Variants in RABGAP1L observed in about 807,000 individuals in gnomAD.
RABGAP1L encodes RAB GTPase activating protein 1 like, also known as rab GTPase-activating protein 1-like.
A neutral mutation model predicts 137.7 loss-of-function variants in RABGAP1L; 63 were observed. The observed-to-expected ratio is 0.46, with a 90% CI of 0.37 to 0.56. RABGAP1L has a LOEUF of 0.56. RABGAP1L is among the 20% of genes least tolerant of loss of function. The pLI is 0.00. For synonymous variants in RABGAP1L, 431 were observed against 433.7 expected (o/e 0.99, Z 0.08); for missense variants, 1,095 against 1,244.0 (o/e 0.88, Z 1.80).
chr1:174,467,307 A>G (rs10912790), intron 13 of RABGAP1L, among the ~76,000 whole-genome samples: 8,028 of 152,082 alleles, frequency 0.053, 686 homozygotes, highest in African/African-American at 0.18. Flanking sequence ...GTAGTCATTT[A>G]TCATCTTTTC....
intron 13 of RABGAP1L, among the ~76,000 whole-genome samples, chr1:174,511,319 T>G (rs972653063): frequency 6.6e-6 from 1 of 152,206 alleles, no homozygotes; most frequent in Non-Finnish European, 1.5e-5. Context: ...CAGTGAAACA[T>G]AGGTGCTGAT....
At chr1:174,231,395 CTTT>C in intron 4 of RABGAP1L, 40 bp downstream of exon 4, 1 of 1,560,350 alleles carries the variant, frequency 6.4e-7, no homozygotes. Flanking sequence ...CATATTAAGT[CTTT>C]TGGGTGGTGG....
chr1:174,331,931 G>GT (rs1369701932), intron 11 of RABGAP1L, among the ~76,000 whole-genome samples: 1 of 150,946 alleles, frequency 6.6e-6, no homozygotes, highest in East Asian at 2.0e-4. Flanking sequence ...GCGGTGTTTG[G>GT]TTTTTTGTCC....
rs192575631 is a variant in RABGAP1L at position 174,219,374 on chromosome 1, G to A, written c.138+79G>A. The A allele has an allele frequency of 1.7e-5, 17 of 1,019,772 alleles. No individual in the cohort carries two copies. The Admixed American group carries it at 2.3e-4, about 14-fold the overall frequency. The allele number at this position is 1,019,772 out of a possible 1,614,324, so 63.2% of individuals were successfully genotyped here. On this transcript the variant is annotated intron_variant, in intron 2 of 25. Transcript: ENST00000681986. ...ACTTAGGAGATGTGTAAAATGCAAA[G>A]GTTTTTCTCAAGTGCTGACTTTCAA...
intron 10 of RABGAP1L, among the ~76,000 whole-genome samples, chr1:174,279,132 A>G (rs1356399453): frequency 1.3e-5 from 2 of 152,214 alleles, no homozygotes; most frequent in Non-Finnish European, 1.5e-5. Context: ...TAAAATTTTA[A>G]TGAAAATGTT....
intron 13 of RABGAP1L, among the ~76,000 whole-genome samples, chr1:174,526,305 T>C (rs2147866624): frequency 6.6e-6 from 1 of 152,242 alleles, no homozygotes; most frequent in South Asian, 2.1e-4. Context: ...GTTGTTGTTG[T>C]TGTTATTATG....
intron 24 of RABGAP1L, among the ~76,000 whole-genome samples, chr1:174,988,244 CTGAG>C (rs1254434944): frequency 1.3e-5 from 2 of 152,152 alleles, no homozygotes; most frequent in Non-Finnish European, 2.9e-5. Context: ...TCTTTAAACT[CTGAG>C]TTTCTTTATG....
At chr1:174,384,094 C>A (rs951074516) in intron 12 of RABGAP1L, among the ~76,000 whole-genome samples, 1 of 152,146 alleles carries the variant, frequency 6.6e-6, no homozygotes, top group East Asian at 1.9e-4. Flanking sequence ...TGCTACTGAG[C>A]AATTAAAAGA....
At chr1:174,973,867 T>G (rs1215366358) in intron 21 of RABGAP1L, among the ~76,000 whole-genome samples, 1 of 152,134 alleles carries the variant, frequency 6.6e-6, no homozygotes, top group Non-Finnish European at 1.5e-5. Flanking sequence ...GTCTTCTTTA[T>G]TAGCAGGGCT....
At chr1:174,390,738 A>G (rs1687156907) in intron 12 of RABGAP1L, among the ~76,000 whole-genome samples, 3 of 152,156 alleles carry the variant, frequency 2.0e-5, no homozygotes, top group African/African-American at 7.2e-5. Context: ...GTGGTGGATT[A>G]GTAATAGATG....
chr1:174,683,170 C>T (rs1220806163), intron 14 of RABGAP1L, among the ~76,000 whole-genome samples: 1 of 150,700 alleles, frequency 6.6e-6, no homozygotes, highest in Non-Finnish European at 1.5e-5. Flanking sequence ...ACACTTCAAC[C>T]TTAGAATCTT....
intron 13 of RABGAP1L, among the ~76,000 whole-genome samples, chr1:174,434,457 T>G (rs1382740303): frequency 6.6e-6 from 1 of 152,204 alleles, no homozygotes. Flanking sequence ...AAGTCTTTTG[T>G]GGACAATATG....
At chr1:174,544,708 G>T (rs1478122409) in intron 13 of RABGAP1L, 2 of 152,226 alleles carry the variant, frequency 1.3e-5, no homozygotes, top group African/African-American at 4.8e-5. Flanking sequence ...TAGCTTTTCT[G>T]CTCTGGTTTC....
intron 3 of RABGAP1L, among the ~76,000 whole-genome samples, 199 bp downstream of exon 3, chr1:174,221,363 A>G (rs1487578883): frequency 6.6e-6 from 1 of 152,202 alleles, no homozygotes; most frequent in African/African-American, 2.4e-5. Flanking sequence ...AACAAAGACT[A>G]TGTCTGGGTC....
At chr1:174,447,982 C>A in intron 13 of RABGAP1L, 1 of 638,690 alleles carries the variant, frequency 1.6e-6, no homozygotes, top group Non-Finnish European at 2.7e-6. Flanking sequence ...GGACTCTCAG[C>A]TGTGACAGAA....
intron 14 of RABGAP1L, among the ~76,000 whole-genome samples, chr1:174,681,765 TG>T (rs1363609285): frequency 2.0e-5 from 3 of 152,186 alleles, no homozygotes; most frequent in Admixed American, 6.5e-5. Flanking sequence ...CTTTGGCACA[TG>T]GGGAATACTA....
chr1:174,275,378 A>G (rs535030242), intron 8 of RABGAP1L, among the ~76,000 whole-genome samples: 2 of 152,308 alleles, frequency 1.3e-5, no homozygotes, highest in African/African-American at 4.8e-5. Context: ...GAATTCATTA[A>G]AAATTAGAAT....
intron 19 of RABGAP1L, among the ~76,000 whole-genome samples, chr1:174,864,104 A>C (rs1650789120): frequency 6.6e-6 from 1 of 152,234 alleles, no homozygotes. Context: ...AATTAAATTG[A>C]AGTCGTTGCT....
rs868238861 is a variant in RABGAP1L at position 174,825,037 on chromosome 1, T to C, written c.2340+13077T>C. 2.0e-5 allele frequency among the ~76,000 whole-genome samples: 3 copies of C among 152,344 alleles called. No individual in the cohort carries two copies. The Middle Eastern group carries it at 0.01, about 518-fold the overall frequency. ...TTTTCTCATTGCCAAACCCTCTGAC[T>C]TGGGGATTTTGTTACTTCAACCTGT... On this transcript the variant is annotated intron_variant, in intron 19 of 25. Transcript: ENST00000681986.
Sources: allele counts gnomAD v4.1 joint callset (sites outside exome capture counted in the v4.1 genomes callset), GRCh38; gene constraint gnomAD v4.1.1; transcripts MANE v1.5; gene names NCBI Gene and HGNC (gene_info 2026-07-23, HGNC 2026-07-21).